Variants in CPEB2 observed in about 807,000 individuals in gnomAD.
CPEB2 encodes the protein cytoplasmic polyadenylation element-binding protein 2.
A neutral mutation model predicts 93.6 loss-of-function variants in CPEB2; 56 were observed. The ratio of observed to expected loss-of-function variants is 0.60; its 90% CI spans 0.48 to 0.75. The LOEUF (loss-of-function observed/expected upper bound fraction) is 0.75. CPEB2 is among the 30% of genes least tolerant of loss of function. The probability of loss-of-function intolerance (pLI) is 0.00; values close to 1 mark genes in which losing one functional copy is unlikely to be tolerated. For synonymous variants in CPEB2, 764 were observed against 586.3 expected (o/e 1.30, Z -4.38); for missense variants, 1,579 against 1,395.1 (o/e 1.13, Z -2.10).
At chr4:15,054,266 G>C (rs746792334) in intron 8 of CPEB2, 49 bp downstream of exon 8, 1 of 1,314,206 alleles carries the variant, frequency 7.6e-7, no homozygotes, top group Non-Finnish European at 1.1e-6. Flanking sequence ...TTGTATGAGA[G>C]CAAAAGAAAG....
intron 7 of CPEB2, among the ~76,000 whole-genome samples, chr4:15,053,217 T>C (rs561104947): frequency 1.3e-5 from 2 of 152,110 alleles, no homozygotes; most frequent in East Asian, 3.9e-4. Flanking sequence ...GGGGTTTCAC[T>C]GTGTTAGCCA....
At position 15,004,059 on chromosome 4, in the gene CPEB2, C is replaced by T. The variant is rs1722424150; in HGVS notation, c.1386C>T (p.Phe462=). The change falls in exon 1 of 12, where the codon TTC becomes TTT. Residue 462 remains phenylalanine (F), a synonymous_variant. Transcript: ENST00000538197. ...GLPSSMNPAF[F]PSFSPVSPHG... Reference sequence around the variant, plus strand: ...CGTCGTCCATGAACCCGGCCTTCTTCCCTAGCTTCTCGCCCGTGTCGCCGC... The same window carrying T: ...CGTCGTCCATGAACCCGGCCTTCTTTCCTAGCTTCTCGCCCGTGTCGCCGC... The T allele has an allele frequency of 7.0e-6, 11 of 1,567,676 alleles. No homozygotes were observed. The highest frequency in any genetic ancestry group is 1.7e-4 in the Middle Eastern group (1 of 5,922).
At chr4:15,027,020 C>G (rs1216437849) in intron 4 of CPEB2, among the ~76,000 whole-genome samples, 1 of 152,098 alleles carries the variant, frequency 6.6e-6, no homozygotes, top group African/African-American at 2.4e-5. Context: ...AAAAGTTTTG[C>G]AACCATTAAC....
chr4:15,055,149 T>C (rs1348922060), intron 8 of CPEB2, among the ~76,000 whole-genome samples: 1 of 152,218 alleles, frequency 6.6e-6, no homozygotes, highest in East Asian at 1.9e-4. Context: ...CATTGAGAAT[T>C]ATAGAACCTT....
At chr4:15,014,312 A>G (rs1723845717) in intron 3 of CPEB2, among the ~76,000 whole-genome samples, 1 of 152,104 alleles carries the variant, frequency 6.6e-6, no homozygotes, top group Non-Finnish European at 1.5e-5. Context: ...GATTTAGGGT[A>G]AGGAAGATAA....
At chr4:15,022,034 T>A (rs140795164) in intron 4 of CPEB2, among the ~76,000 whole-genome samples, 3 of 152,306 alleles carry the variant, frequency 2.0e-5, no homozygotes, top group Admixed American at 2.0e-4. Flanking sequence ...ATAACTTGTA[T>A]AAATTTCTAA....
At chr4:15,050,894 T>C (rs1216372420) in intron 6 of CPEB2, among the ~76,000 whole-genome samples, 1 of 152,216 alleles carries the variant, frequency 6.6e-6, no homozygotes, top group Non-Finnish European at 1.5e-5. Context: ...AATTATTTTC[T>C]CAGAAATATG....
chr4:15,055,682 G>T lies in CPEB2; in HGVS notation c.2461+1465G>T, dbSNP rs552967090. Among the ~76,000 whole-genome samples, 8 of 152,176 alleles carry T rather than the reference G, an allele frequency of 5.3e-5. No homozygotes were observed. In the South Asian group the frequency reaches 1.7e-3, roughly 32 times the overall value. ...TACTTACCTGCATAAACCCTTTAAT[G>T]GTTTCTCTTATTTTTAGGATAAAAG... On this transcript the variant is annotated intron_variant, in intron 8 of 11. Transcript: ENST00000538197.
intron 5 of CPEB2, among the ~76,000 whole-genome samples, chr4:15,037,285 T>A (rs560247630): frequency 6.6e-6 from 1 of 151,418 alleles, no homozygotes; most frequent in African/African-American, 2.4e-5. Flanking sequence ...CACTCCAGCC[T>A]GGGCGACAGA....
intron 3 of CPEB2, among the ~76,000 whole-genome samples, chr4:15,015,555 A>G (rs1724031552): frequency 6.6e-6 from 1 of 152,064 alleles, no homozygotes; most frequent in Admixed American, 6.6e-5. Flanking sequence ...TTTAAACATC[A>G]AAGTAAAGTA....
Position 15,041,286 on chromosome 4 carries a change from A to G in CPEB2, c.2200+799A>G, listed in dbSNP as rs578027846. Among the ~76,000 whole-genome samples the G allele has an allele frequency of 5.9e-5, 9 of 152,254 alleles. No homozygotes were observed. In the South Asian group the frequency reaches 1.9e-3, roughly 32 times the overall value. ...GTTCTTTAAATGAGCAATAATCATG[A>G]TGTTTATATTGTTAGGCTTATTCCA... On this transcript the variant is annotated intron_variant, in intron 6 of 11. Transcript: ENST00000538197.
intron 7 of CPEB2, 105 bp downstream of exon 7, chr4:15,052,689 A>AT: frequency 1.7e-6 from 1 of 585,136 alleles, no homozygotes; most frequent in Admixed American, 4.0e-5. Flanking sequence ...CCACCTAGAG[A>AT]TTTTCAGAAT....
Position 15,003,175 on chromosome 4 carries a change from A to AAGC in CPEB2, c.503_505dup (p.Lys168_Arg169insGln), listed in dbSNP as rs1722215571. The AAGC allele has an allele frequency of 2.0e-6, 3 of 1,532,726 alleles. No individual in the cohort carries two copies. Among genetic ancestry groups the AAGC allele is most frequent in the African/African-American group, 2.8e-5 (2 of 72,514 alleles). 94.9% of individuals were successfully genotyped at this position (1,532,726 alleles called of 1,614,324 possible). On this transcript the variant is annotated inframe_insertion, in exon 1 of 12. Transcript: ENST00000538197. ...CACCTCCTCCCCGCAGGACTTCAGTAAGCGGCAGCAGCAGCAGCTGAGCAG... is the reference window on the plus strand; with the variant it reads ...CACCTCCTCCCCGCAGGACTTCAGTAAGCAGCGGCAGCAGCAGCAGCTGAGCAG...
Position 15,069,047 on chromosome 4 carries a change from T to A in CPEB2, c.*2667T>A, listed in dbSNP as rs1409587874. On this transcript the variant is annotated 3_prime_UTR_variant, in exon 12 of 12. Coordinates refer to ENST00000538197, the MANE Select transcript of CPEB2 (RefSeq NM_001177382.2). ...TAGAAAATTATTAATTTTGATTGTA[T>A]TTTTGTATTTTAAAAGCTTCTTCAC... The A allele has an allele frequency of 6.6e-6, 1 of 152,232 alleles. No individual in the cohort carries two copies. The highest frequency in any genetic ancestry group is 1.5e-5 in the Non-Finnish European group (1 of 67,824). The allele number at this position is 152,232 out of a possible 1,614,324, so 9.4% of individuals were successfully genotyped here. A position where few individuals can be genotyped will look rare whatever the true frequency, so the allele number is the denominator to read the frequency against.
rs1729978085 is a variant in CPEB2, at chr4:15,070,074, T to C, written c.*3694T>C. On this transcript the variant is annotated 3_prime_UTR_variant, in exon 12 of 12. Transcript: ENST00000538197. The stretch of plus-strand genomic sequence containing the variant: ...TTAACTCTGTAATGGAATAGTTTGC[T>C]GCCAACTATTTATATTAAGTAATTT... 6.6e-6 allele frequency: 1 copy of C among 152,294 alleles called. No homozygotes were observed. The highest frequency in any genetic ancestry group is 2.4e-5 in the African/African-American group (1 of 41,424). 9.4% of individuals were successfully genotyped at this position (152,294 alleles called of 1,614,324 possible). A position where few individuals can be genotyped will look rare whatever the true frequency, so the allele number is the denominator to read the frequency against.
intron 5 of CPEB2, among the ~76,000 whole-genome samples, chr4:15,033,972 G>A (rs1177358955): frequency 6.6e-6 from 1 of 152,126 alleles, no homozygotes; most frequent in African/African-American, 2.4e-5. Flanking sequence ...TCAACTGAAG[G>A]TTTGCTGAAA....
Position 15,066,442 on chromosome 4 carries a change from G to T in CPEB2, c.*62G>T. ...AGGGTGCATGTGGCTTACTGTGTCT[G>T]AAGATACTGACATGCAGAAGAAATA... On this transcript the variant is annotated 3_prime_UTR_variant, in exon 12 of 12. Coordinates refer to ENST00000538197, the MANE Select transcript of CPEB2 (RefSeq NM_001177382.2). 8.5e-7 allele frequency: 1 copy of T among 1,171,474 alleles called. No individual in the cohort carries two copies. The allele number at this position is 1,171,474 out of a possible 1,614,324, so 72.6% of individuals were successfully genotyped here.
chr4:15,063,273 A>G (rs1424734128), intron 11 of CPEB2, among the ~76,000 whole-genome samples: 12 of 151,934 alleles, frequency 7.9e-5, no homozygotes, highest in Non-Finnish European at 1.3e-4. Flanking sequence ...TAATTACCCA[A>G]CCGTCTCATT....
intron 11 of CPEB2, among the ~76,000 whole-genome samples, chr4:15,063,083 A>G (rs972829996): frequency 2.3e-4 from 35 of 152,098 alleles, no homozygotes; most frequent in Non-Finnish European, 4.6e-4. Context: ...TGAATTTTTT[A>G]TATCTGAATT....
Sources: allele counts gnomAD v4.1 joint callset (sites outside exome capture counted in the v4.1 genomes callset), GRCh38; gene constraint gnomAD v4.1.1; transcripts MANE v1.5; gene names NCBI Gene and HGNC (gene_info 2026-07-23, HGNC 2026-07-21).